SESTD1: variants seen among roughly 807,000 people sequenced by gnomAD.
SESTD1 encodes SEC14 and spectrin domain containing 1.
A neutral mutation model predicts 101.7 loss-of-function variants in SESTD1; 43 were observed. The ratio of observed to expected loss-of-function variants is 0.42; its 90% CI spans 0.33 to 0.55. SESTD1 has a LOEUF of 0.55. Among genes scored for constraint, SESTD1 ranks in the 20% least tolerant of loss-of-function variants. The pLI is 0.07. For missense variants in SESTD1, 647 were observed against 815.1 expected (o/e 0.79, Z 2.51); for synonymous variants, 283 against 286.8 (o/e 0.99, Z 0.13).
Position 179,264,716 on chromosome 2 carries a change from G to A in SESTD1, c.-243C>T, listed in dbSNP as rs1450111815. The A allele has an allele frequency of 1.3e-5, 2 of 151,208 alleles. No individual in the cohort carries two copies. The highest frequency in any genetic ancestry group is 2.4e-5 in the African/African-American group (1 of 41,210). 9.4% of individuals were successfully genotyped at this position (151,208 alleles called of 1,614,324 possible). A position where few individuals can be genotyped will look rare whatever the true frequency, so the allele number is the denominator to read the frequency against. ...CCCTCCGTGCGTCAGGCGGGGAGCG[G>A]GGGTGCGGGTGGCCCGGCGACCTCT... On this transcript the variant is annotated 5_prime_UTR_variant, in exon 1 of 18. Coordinates refer to ENST00000428443, the MANE Select transcript of SESTD1 (RefSeq NM_178123.5).
intron 1 of SESTD1, among the ~76,000 whole-genome samples, chr2:179,237,735 A>T (rs2047090235): frequency 6.6e-6 from 1 of 152,216 alleles, no homozygotes; most frequent in Non-Finnish European, 1.5e-5. Context: ...CATAAAGGGT[A>T]ACTTCAAAAT....
chr2:179,246,871 G>C (rs964032149), intron 1 of SESTD1, among the ~76,000 whole-genome samples: 1 of 152,228 alleles, frequency 6.6e-6, no homozygotes, highest in Non-Finnish European at 1.5e-5. Flanking sequence ...GTGGCAGAGT[G>C]AAAGTAGGTT....
intron 10 of SESTD1, among the ~76,000 whole-genome samples, chr2:179,128,017 C>G (rs939459764): frequency 1.7e-4 from 26 of 152,272 alleles, no homozygotes; most frequent in African/African-American, 6.3e-4. Flanking sequence ...GGATTAGAGT[C>G]CTAGAATAGC....
chr2:179,225,445 A>AT (rs1382829820), intron 1 of SESTD1, among the ~76,000 whole-genome samples: 1 of 152,116 alleles, frequency 6.6e-6, no homozygotes, highest in African/African-American at 2.4e-5. Flanking sequence ...TTAAGGTTAT[A>AT]TTTTTTAAAA....
intron 13 of SESTD1, among the ~76,000 whole-genome samples, chr2:179,120,922 G>A (rs2044735688): frequency 6.6e-6 from 1 of 152,194 alleles, no homozygotes; most frequent in African/African-American, 2.4e-5. Context: ...AGTGAGGGCA[G>A]GAACCAGAGT....
chr2:179,177,475 T>A (rs1024749062), intron 3 of SESTD1, among the ~76,000 whole-genome samples: 9 of 152,162 alleles, frequency 5.9e-5, no homozygotes, highest in Non-Finnish European at 1.3e-4. Flanking sequence ...GACCTTTTCC[T>A]GGGATTTAAA....
chr2:179,226,743 A>G (rs2046891898), intron 1 of SESTD1, among the ~76,000 whole-genome samples: 1 of 152,222 alleles, frequency 6.6e-6, no homozygotes, highest in South Asian at 2.1e-4. Context: ...TAGTCAATAA[A>G]ACCAAAATAG....
At chr2:179,110,884 A>C (rs1052152207) in intron 17 of SESTD1, among the ~76,000 whole-genome samples, 1 of 152,256 alleles carries the variant, frequency 6.6e-6, no homozygotes, top group Non-Finnish European at 1.5e-5. Context: ...GGAATAAAAC[A>C]GCAATTCCAA....
chr2:179,109,632 C>T lies in SESTD1; in HGVS notation c.*267G>A, dbSNP rs951056580. On this transcript the variant is annotated 3_prime_UTR_variant, in exon 18 of 18. Transcript: ENST00000428443. ...TATCAGTTGTTTGTCTACAAACTGACAGGTCAGGTAAAGCTTTAAAGCAAG... is the reference window on the plus strand; with the variant it reads ...TATCAGTTGTTTGTCTACAAACTGATAGGTCAGGTAAAGCTTTAAAGCAAG... 8.9e-6 allele frequency: 4 copies of T among 448,162 alleles called. No individual in the cohort carries two copies. The highest frequency in any genetic ancestry group is 8.0e-5 in the African/African-American group (4 of 50,280). 27.8% of individuals were successfully genotyped at this position (448,162 alleles called of 1,614,324 possible).
At chr2:179,244,475 C>CAAA (rs376053812) in intron 1 of SESTD1, among the ~76,000 whole-genome samples, 1 of 136,000 alleles carries the variant, frequency 7.4e-6, no homozygotes. Context: ...AACAAACCAA[C>CAAA]AAAAAAAAAA....
chr2:179,175,025 G>C (rs900410435), intron 4 of SESTD1, among the ~76,000 whole-genome samples: 1 of 151,900 alleles, frequency 6.6e-6, no homozygotes, highest in Admixed American at 6.6e-5. Flanking sequence ...TGAGGCAATG[G>C]GTAGAAAATT....
In SESTD1 at chr2:179,142,296, T is replaced by C. The variant is rs77723278; in HGVS notation, c.849+1296A>G. On this transcript the variant is annotated intron_variant, in intron 9 of 17. Coordinates refer to ENST00000428443, the MANE Select transcript of SESTD1 (RefSeq NM_178123.5). ...CAGCAACTACACTAGACCTCTAGAG[T>C]AGAGTCTAGTTCAAAAGAAATACAT... 1.7e-3 allele frequency among the ~76,000 whole-genome samples: 258 copies of C among 152,170 alleles called. 6 individuals are homozygous for C. In the East Asian group the frequency reaches 0.046, roughly 27 times the overall value.
In SESTD1 at chr2:179,191,871, A is replaced by G; in HGVS notation, c.-25-5T>C. 2 of 1,568,940 alleles carry G rather than the reference A, an allele frequency of 1.3e-6. No individual in the cohort carries two copies. Among genetic ancestry groups the G allele is most frequent in the Non-Finnish European group, 1.7e-6 (2 of 1,143,670 alleles). On this transcript the variant is annotated splice_polypyrimidine_tract_variant and splice_region_variant and intron_variant, in intron 1 of 17. Transcript: ENST00000428443. The stretch of plus-strand genomic sequence containing the variant: ...CTCCAGTGAACTTCCTTAATTCTGA[A>G]AACACAGAAAGTCAAATGTCAACTA...
chr2:179,188,277 T>A (rs2046265832), intron 2 of SESTD1, among the ~76,000 whole-genome samples: 1 of 152,138 alleles, frequency 6.6e-6, no homozygotes, highest in South Asian at 2.1e-4. Context: ...ACCAAGAAGA[T>A]CTCTCAAAAC....
At chr2:179,237,221 G>A (rs548471328) in intron 1 of SESTD1, among the ~76,000 whole-genome samples, 5 of 151,602 alleles carry the variant, frequency 3.3e-5, no homozygotes, top group African/African-American at 1.2e-4. Flanking sequence ...CTATATGAAA[G>A]CTTCTGTGAA....
At chr2:179,221,541 A>G (rs2046815083) in intron 1 of SESTD1, among the ~76,000 whole-genome samples, 1 of 151,186 alleles carries the variant, frequency 6.6e-6, no homozygotes, top group East Asian at 1.9e-4. Flanking sequence ...TGAAGCCAGG[A>G]GGCAAAGGCA....
intron 1 of SESTD1, among the ~76,000 whole-genome samples, chr2:179,199,336 C>G (rs1023111153): frequency 1.3e-4 from 20 of 152,046 alleles, no homozygotes; most frequent in Admixed American, 5.2e-4. Context: ...CAAAAAGAGT[C>G]CAGGACCAGA....
At chr2:179,223,362 G>C (rs975913152) in intron 1 of SESTD1, among the ~76,000 whole-genome samples, 1 of 152,006 alleles carries the variant, frequency 6.6e-6, no homozygotes, top group African/African-American at 2.4e-5. Context: ...TGTGGTAATG[G>C]CTGCACAGCT....
intron 1 of SESTD1, among the ~76,000 whole-genome samples, chr2:179,203,671 G>A (rs558645515): frequency 7.4e-6 from 1 of 134,702 alleles, no homozygotes; most frequent in East Asian, 2.0e-4. Flanking sequence ...GAACCTGAAG[G>A]GGTTGTGGGT....
Sources: allele counts gnomAD v4.1 joint callset (sites outside exome capture counted in the v4.1 genomes callset), GRCh38; gene constraint gnomAD v4.1.1; transcripts MANE v1.5; gene names NCBI Gene and HGNC (gene_info 2026-07-23, HGNC 2026-07-21).